Variants in SATL1 observed in about 807,000 individuals in gnomAD.
SATL1 encodes the protein spermidine/spermine N1-acetyl transferase like 1.
Under a neutral mutation model 51.8 loss-of-function variants are expected in SATL1, and 47 were observed. The observed-to-expected ratio is 0.91, with a 90% confidence interval of 0.72 to 1.16. SATL1 has a LOEUF of 1.16. Ranked by LOEUF, SATL1 falls within the 50% of genes most tolerant of loss-of-function variation. SATL1 has a pLI of 0.00. For synonymous variants in SATL1, 176 were observed against 182.4 expected (o/e 0.97, Z 0.28); for missense variants, 520 against 526.4 (o/e 0.99, Z 0.12).
At chrX:85,111,933 G>A (rs1056917401) in intron 2 of SATL1, among the ~76,000 whole-genome samples, 1 of 111,825 alleles carries the variant, frequency 8.9e-6, no homozygotes, top group African/African-American at 3.3e-5. Flanking sequence ...GTTACCTGCA[G>A]CAAATTTGTA....
intron 2 of SATL1, among the ~76,000 whole-genome samples, chrX:85,124,122 A>G (rs1260314111): frequency 2.7e-5 from 3 of 112,234 alleles, no homozygotes; most frequent in African/African-American, 9.7e-5. Flanking sequence ...ATAGTTGTTT[A>G]CAATCCAACT....
chrX:85,182,598 A>G (rs1927229319), intron 2 of SATL1, among the ~76,000 whole-genome samples: 1 of 111,545 alleles, frequency 9.0e-6, no homozygotes, highest in Non-Finnish European at 1.9e-5. Context: ...TTTTCCTTGC[A>G]TGGTAGTAGA....
At chrX:85,131,067 C>T (rs772171310) in intron 2 of SATL1, among the ~76,000 whole-genome samples, 1 of 111,681 alleles carries the variant, frequency 9.0e-6, no homozygotes, top group South Asian at 3.7e-4. Flanking sequence ...TTACTTCCAA[C>T]TATGTGGTCA....
chrX:85,133,486 C>T (rs1377947624), intron 2 of SATL1, among the ~76,000 whole-genome samples: 1 of 112,374 alleles, frequency 8.9e-6, no homozygotes, highest in Non-Finnish European at 1.9e-5. Context: ...CCTGGTGTGC[C>T]ATTTGCTAAG....
intron 2 of SATL1, among the ~76,000 whole-genome samples, chrX:85,116,723 T>C (rs1047594538): frequency 1.8e-5 from 2 of 110,994 alleles, no homozygotes; most frequent in Non-Finnish European, 3.8e-5. Flanking sequence ...CTGACATTCC[T>C]GGAGGGCTGG....
chrX:85,135,468 C>T (rs1925927808), intron 2 of SATL1, among the ~76,000 whole-genome samples: 1 of 111,007 alleles, frequency 9.0e-6, no homozygotes, highest in South Asian at 3.9e-4. Context: ...ACTTGATTCA[C>T]TCTCCTTGGT....
chrX:85,198,712 C>T (rs1281701358), intron 2 of SATL1, among the ~76,000 whole-genome samples: 2 of 110,864 alleles, frequency 1.8e-5, no homozygotes, highest in African/African-American at 3.3e-5. Context: ...AATGGGGTAT[C>T]CATCCCCTCA....
At chrX:85,185,468 C>A (rs972875183) in intron 2 of SATL1, among the ~76,000 whole-genome samples, 1 of 111,927 alleles carries the variant, frequency 8.9e-6, no homozygotes, top group African/African-American at 3.2e-5. Flanking sequence ...ATAGCCAGGG[C>A]CTGAGGTAGG....
chrX:85,094,301 G>A, intron 5 of SATL1, 72 bp from the exon 6 acceptor site: 1 of 564,889 alleles, frequency 1.8e-6, no homozygotes, highest in East Asian at 3.3e-5. Context: ...CAAATTGAAT[G>A]TCTTTTGGCG....
At chrX:85,195,427 T>A (rs1927536907) in intron 2 of SATL1, among the ~76,000 whole-genome samples, 1 of 111,140 alleles carries the variant, frequency 9.0e-6, no homozygotes, top group South Asian at 3.7e-4. Flanking sequence ...ATGGAGAAAA[T>A]TTATGATCAA....
intron 2 of SATL1, among the ~76,000 whole-genome samples, chrX:85,179,433 A>T (rs912055484): frequency 8.9e-6 from 1 of 111,815 alleles, no homozygotes; most frequent in African/African-American, 3.2e-5. Context: ...CGAGTTTGGA[A>T]GCATGTGATC....
In SATL1 at chrX:85,119,106, A is replaced by G. The variant is rs755591593; in HGVS notation, c.-312-9826T>C. ...CTATGGCAAATGCTTTTTATACATA[A>G]TCCCATTTATTCATCACAATGAGTT... is the stretch of plus-strand genomic sequence containing the variant. On this transcript the variant is annotated intron_variant, in intron 2 of 7. Transcript: ENST00000644105. Among the ~76,000 whole-genome samples the G allele has an allele frequency of 1.6e-4, 18 of 111,573 alleles. No individual in the cohort carries two copies. In the South Asian group the frequency reaches 4.9e-3, roughly 30 times the overall value.
chrX:85,206,622 GAA>G (rs1162515863), intron 2 of SATL1, among the ~76,000 whole-genome samples: 3 of 111,083 alleles, frequency 2.7e-5, no homozygotes, highest in Non-Finnish European at 5.7e-5. Flanking sequence ...ATTGAAAACT[GAA>G]AGAGTGGTGA....
At chrX:85,125,230 G>A (rs1727731484) in intron 2 of SATL1, among the ~76,000 whole-genome samples, 1 of 110,758 alleles carries the variant, frequency 9.0e-6, no homozygotes, top group South Asian at 3.8e-4. Flanking sequence ...GGAGATACAT[G>A]GTACACAGAC....
chrX:85,146,759 G>T (rs915392617), intron 2 of SATL1, among the ~76,000 whole-genome samples: 4 of 112,683 alleles, frequency 3.5e-5, no homozygotes, highest in Non-Finnish European at 7.5e-5. Context: ...AACAATTCTT[G>T]CCAGTAGTCA....
intron 2 of SATL1, among the ~76,000 whole-genome samples, chrX:85,188,372 T>C (rs1927360049): frequency 9.0e-6 from 1 of 111,517 alleles, no homozygotes; most frequent in African/African-American, 3.3e-5. Context: ...GTGTGGTGTG[T>C]ATGTGTGTTA....
At chrX:85,173,216 G>T (rs1315762713) in intron 2 of SATL1, among the ~76,000 whole-genome samples, 2 of 110,612 alleles carry the variant, frequency 1.8e-5, no homozygotes, top group Non-Finnish European at 3.8e-5. Flanking sequence ...AGGACCCAGG[G>T]CCAAATTATT....
chrX:85,142,379 G>A (rs1034460519), intron 2 of SATL1, among the ~76,000 whole-genome samples: 15 of 93,295 alleles, frequency 1.6e-4, no homozygotes, highest in Middle Eastern at 6.0e-3. Flanking sequence ...CTGGGTGACA[G>A]AGCGAGACTC....
intron 2 of SATL1, among the ~76,000 whole-genome samples, chrX:85,131,444 C>G (rs1193752565): frequency 5.4e-5 from 6 of 110,444 alleles, no homozygotes; most frequent in African/African-American, 1.3e-4. Flanking sequence ...TTTAAAGTCT[C>G]TTTTATCAGA....
Sources: gnomAD v4.1 joint callset for allele counts (sites outside exome capture counted in the v4.1 genomes callset) on GRCh38, gnomAD v4.1.1 for gene constraint, MANE v1.5 for transcripts, NCBI Gene and HGNC (gene_info 2026-07-23, HGNC 2026-07-21) for gene names.